EPM2A: variants seen among roughly 807,000 people sequenced by gnomAD.
EPM2A encodes the protein EPM2A glucan phosphatase, laforin.
In EPM2A, 21 loss-of-function variants were observed where a neutral mutation model predicts 26.5. The ratio of observed to expected loss-of-function variants is 0.79; its 90% CI spans 0.56 to 1.14. The LOEUF is 1.14. EPM2A is among the 50% of genes most tolerant of loss of function. The pLI is 0.00. For synonymous variants in EPM2A, 217 were observed against 177.6 expected, an observed-to-expected ratio of 1.22 and a Z score of -1.76; for missense variants, 458 against 440.8, an observed-to-expected ratio of 1.04 and a Z score of -0.35.
chr6:145,603,595 G>T (rs1402366056), intron 2 of EPM2A, among the ~76,000 whole-genome samples: 3 of 152,190 alleles, frequency 2.0e-5, no homozygotes, highest in African/African-American at 7.2e-5. Context: ...AAATGAAAGT[G>T]CTTATTAAAT....
chr6:145,417,940 A>G (rs1754412845), intron 4 of EPM2A, among the ~76,000 whole-genome samples: 1 of 152,034 alleles, frequency 6.6e-6, no homozygotes, highest in Admixed American at 6.5e-5. Context: ...CCTGGACCCC[A>G]TCACCAAGAT....
intron 1 of EPM2A, among the ~76,000 whole-genome samples, chr6:145,707,634 T>C (rs1264547628): frequency 6.6e-6 from 1 of 152,200 alleles, no homozygotes; most frequent in African/African-American, 2.4e-5. Flanking sequence ...TCTGCTGTCA[T>C]GTAAGACGTG....
In EPM2A at chr6:145,626,066, T is replaced by G. The variant is rs1775790511; in HGVS notation, c.*1350A>C. 1 of 1,138,524 alleles carries G rather than the reference T, an allele frequency of 8.8e-7. No individual in the cohort carries two copies. The highest frequency in any genetic ancestry group is 1.6e-5 in the African/African-American group (1 of 63,564). The allele number at this position is 1,138,524 out of a possible 1,614,324, so 70.5% of individuals were successfully genotyped here. On this transcript the variant is annotated 3_prime_UTR_variant, in exon 4 of 4. Transcript: ENST00000367519. ...TAATGAGACCTTCTTCATTGGATAT[T>G]GTGAAGATTAAACTGGATATGATTA...
At chr6:145,441,074 G>A (rs1779056776) in intron 4 of EPM2A, among the ~76,000 whole-genome samples, 2 of 152,218 alleles carry the variant, frequency 1.3e-5, no homozygotes, top group Non-Finnish European at 2.9e-5. Flanking sequence ...AGCCCCTGCA[G>A]CAAATCTCTG....
chr6:145,710,492 G>A (rs966659412), intron 1 of EPM2A, among the ~76,000 whole-genome samples: 10 of 152,178 alleles, frequency 6.6e-5, no homozygotes, highest in African/African-American at 2.4e-4. Context: ...AGAGGATGTA[G>A]AGAAATAGGA....
intron 2 of EPM2A, among the ~76,000 whole-genome samples, chr6:145,665,682 G>C (rs1278343806): frequency 6.9e-6 from 1 of 143,910 alleles, no homozygotes; most frequent in Non-Finnish European, 1.5e-5. Flanking sequence ...GCATCATTCT[G>C]ATACCAAAGC....
At chr6:145,687,025 T>C (rs1033845145) in intron 1 of EPM2A, 1 of 152,304 alleles carries the variant, frequency 6.6e-6, no homozygotes, top group Non-Finnish European at 1.5e-5. Flanking sequence ...CAGACACACA[T>C]CTCTAAAAAT....
intron 4 of EPM2A, among the ~76,000 whole-genome samples, chr6:145,402,320 C>T (rs771240920): frequency 2.6e-5 from 4 of 152,062 alleles, no homozygotes; most frequent in Non-Finnish European, 4.4e-5. Context: ...TTCAGCAGAA[C>T]TCAAATGAAG....
rs370895865 is a variant in EPM2A, at chr6:145,625,901, G to A, written c.*1515C>T. 24 of 1,449,970 alleles carry A rather than the reference G, an allele frequency of 1.7e-5. No individual in the cohort carries two copies. In the African/African-American group the frequency reaches 1.9e-4, roughly 11 times the overall value. 89.8% of individuals were successfully genotyped at this position (1,449,970 alleles called of 1,614,324 possible). On this transcript the variant is annotated 3_prime_UTR_variant, in exon 4 of 4. Transcript: ENST00000367519. ...AAGGAAGGTGCAGAAAAATAAATAC[G>A]CATCATAGTTTAATTAGGAAAGTAA...
At chr6:145,673,522 C>T (rs1001946858) in intron 2 of EPM2A, among the ~76,000 whole-genome samples, 6 of 152,178 alleles carry the variant, frequency 3.9e-5, no homozygotes, top group Non-Finnish European at 2.9e-5. Flanking sequence ...CTTTCCTAGC[C>T]AAGGGAAGCT....
intron 2 of EPM2A, among the ~76,000 whole-genome samples, chr6:145,614,914 T>A (rs1775472285): frequency 6.6e-6 from 1 of 152,230 alleles, no homozygotes; most frequent in Non-Finnish European, 1.5e-5. Context: ...ATTTTATTGA[T>A]GCATGGTTGC....
At chr6:145,391,624 G>T (rs12204968) in intron 4 of EPM2A, among the ~76,000 whole-genome samples, 1 of 151,826 alleles carries the variant, frequency 6.6e-6, no homozygotes, top group Non-Finnish European at 1.5e-5. Context: ...TTCCTCCCTC[G>T]AAGTGCCTGC....
In EPM2A at chr6:145,627,622, C is replaced by G; in HGVS notation, c.790G>C (p.Val264Leu). ...ALLEKGHIVY[V>L]HCNAGVGRST... ...CGGCCCACCCCAGCGTTGCAGTGCA[C>G]GTACACGATGTGTCCCTTCTCCAGC... The change falls in exon 4 of 4, where the codon GTG becomes CTG. Residue 264 changes from valine (V) to leucine (L), a missense_variant. Transcript: ENST00000367519. The G allele has an allele frequency of 1.2e-6, 2 of 1,614,214 alleles. No homozygotes were observed. The highest frequency in any genetic ancestry group is 1.7e-6 in the Non-Finnish European group (2 of 1,180,042).
chr6:145,715,383 G>A (rs936442606), intron 1 of EPM2A, among the ~76,000 whole-genome samples: 1 of 152,182 alleles, frequency 6.6e-6, no homozygotes, highest in Admixed American at 6.5e-5. Flanking sequence ...AAAGGACCTG[G>A]AGAGAACCCA....
intron 2 of EPM2A, among the ~76,000 whole-genome samples, chr6:145,514,319 C>T (rs190783822): frequency 2.0e-5 from 3 of 151,950 alleles, no homozygotes; most frequent in South Asian, 4.1e-4. Flanking sequence ...ACCTCAGGGA[C>T]GTGAGCTCAG....
intron 4 of EPM2A, chr6:145,489,804 G>A (rs186989864): frequency 4.2e-6 from 6 of 1,431,682 alleles, no homozygotes; most frequent in Admixed American, 1.7e-5. Flanking sequence ...CTGGGGTCAC[G>A]TGGTCCAAGT....
intron 4 of EPM2A, among the ~76,000 whole-genome samples, chr6:145,483,992 T>C (rs1486327991): frequency 6.6e-6 from 1 of 152,170 alleles, no homozygotes; most frequent in Admixed American, 6.5e-5. Flanking sequence ...GAGCAGGCTA[T>C]ACCTTACAAC....
intron 4 of EPM2A, among the ~76,000 whole-genome samples, chr6:145,418,102 T>C (rs1778733496): frequency 6.6e-6 from 1 of 152,202 alleles, no homozygotes; most frequent in African/African-American, 2.4e-5. Flanking sequence ...AAGTCTGTAG[T>C]CACCTGGGCC....
At chr6:145,490,607 A>C (rs954877707) in intron 4 of EPM2A, 2 of 672,002 alleles carry the variant, frequency 3.0e-6, no homozygotes, top group Admixed American at 3.6e-5. Flanking sequence ...TGCTGTTTCC[A>C]TGTGCTCTCC....
Sources: gnomAD v4.1 joint callset for allele counts (sites outside exome capture counted in the v4.1 genomes callset) on GRCh38, gnomAD v4.1.1 for gene constraint, MANE v1.5 for transcripts, NCBI Gene and HGNC (gene_info 2026-07-23, HGNC 2026-07-21) for gene names.